Variants in FANCM observed in about 807,000 individuals in gnomAD.
The protein encoded by FANCM is FA complementation group M, also known as Fanconi anemia group M protein.
Under a neutral mutation model 199.5 loss-of-function variants are expected in FANCM, and 140 were observed. That is an observed-to-expected ratio of 0.70 (90% CI 0.61 to 0.81). The LOEUF is 0.81. Ranked by LOEUF, FANCM falls within the 30% of genes least tolerant of loss-of-function variation. The pLI, the probability that FANCM is intolerant of heterozygous loss-of-function variation, is 0.00. For missense variants in FANCM, 2,410 were observed against 2,421.4 expected, an observed-to-expected ratio of 1.00 and a Z score of 0.10; for synonymous variants, 840 against 836.8, an observed-to-expected ratio of 1.00 and a Z score of -0.07.
chr14:45,177,762 A>T (rs1232078971), intron 14 of FANCM, among the ~76,000 whole-genome samples: 1 of 152,196 alleles, frequency 6.6e-6, no homozygotes, highest in Non-Finnish European at 1.5e-5. Context: ...TATGTTGAAG[A>T]TACTAAAGAC....
chr14:45,154,107 G>A (rs980558877), intron 6 of FANCM, 55 bp downstream of exon 6: 3 of 1,374,112 alleles, frequency 2.2e-6, no homozygotes, highest in Non-Finnish European at 3.1e-6. Flanking sequence ...TTTGGCTAAA[G>A]ACATATTGAA....
intron 6 of FANCM, 76 bp downstream of exon 6, chr14:45,154,128 C>A: frequency 9.0e-7 from 1 of 1,113,406 alleles, no homozygotes; most frequent in Non-Finnish European, 1.3e-6. Flanking sequence ...GGGCTGGGCA[C>A]AGTGGCTCAT....
chr14:45,150,620 C>G (rs1263255202), intron 4 of FANCM, among the ~76,000 whole-genome samples: 1 of 152,178 alleles, frequency 6.6e-6, no homozygotes, highest in African/African-American at 2.4e-5. Context: ...TAGAACCTCA[C>G]ATGGTAGACA....
intron 9 of FANCM, among the ~76,000 whole-genome samples, chr14:45,163,254 T>C (rs994694599): frequency 1.3e-5 from 2 of 152,236 alleles, no homozygotes; most frequent in African/African-American, 4.8e-5. Context: ...TAAAATGCAA[T>C]GATAATATCT....
rs1238085525 is a variant in FANCM at position 45,154,764 on chromosome 14, G to A, written c.1251G>A (p.Glu417=). 6.2e-6 allele frequency: 10 copies of A among 1,605,646 alleles called. No individual in the cohort carries two copies. The highest frequency in any genetic ancestry group is 8.5e-6 in the Non-Finnish European group (10 of 1,173,710). Residue 417 remains glutamate, a synonymous_variant, in exon 7 of 23, where the codon GAG becomes GAA. Transcript: ENST00000267430. ...EDFMKLYNHL[E]CMFARTRSTS... is the part of the protein sequence containing the mutation. Reference sequence around the variant, plus strand: ...TCATGAAACTCTATAATCATCTAGAGTGTATGTTTGCACGTACACGTAGTA... The same window carrying A: ...TCATGAAACTCTATAATCATCTAGAATGTATGTTTGCACGTACACGTAGTA...
intron 14 of FANCM, among the ~76,000 whole-genome samples, chr14:45,179,288 C>G (rs1168575705): frequency 6.6e-6 from 1 of 152,124 alleles, no homozygotes; most frequent in Non-Finnish European, 1.5e-5. Flanking sequence ...GAGGTCTTAA[C>G]AAAGCATTTA....
At chr14:45,149,508 A>G (rs1886669796) in intron 4 of FANCM, among the ~76,000 whole-genome samples, 1 of 152,158 alleles carries the variant, frequency 6.6e-6, no homozygotes, top group African/African-American at 2.4e-5. Flanking sequence ...CTGGGATTAC[A>G]GGCACATGCT....
At chr14:45,140,227 GT>G (rs201068264) in intron 2 of FANCM, among the ~76,000 whole-genome samples, 15 of 148,050 alleles carry the variant, frequency 1.0e-4, no homozygotes, top group South Asian at 4.3e-4. Context: ...GTCCTTTTGA[GT>G]TTTTTTTTTT....
chr14:45,157,001 A>G (rs1027109321), intron 8 of FANCM, among the ~76,000 whole-genome samples: 3 of 152,012 alleles, frequency 2.0e-5, no homozygotes, highest in Non-Finnish European at 2.9e-5. Context: ...AAATGATTAC[A>G]TGAGCAAAGT....
chr14:45,160,579 C>G (rs925993048), intron 9 of FANCM, among the ~76,000 whole-genome samples: 1 of 150,590 alleles, frequency 6.6e-6, no homozygotes, highest in African/African-American at 2.4e-5. Flanking sequence ...GAGTCTCGCT[C>G]TGTTGCCGAG....
chr14:45,148,917 T>C lies in FANCM; in HGVS notation c.840T>C (p.Tyr280=), dbSNP rs777422576. 1.1e-5 allele frequency: 18 copies of C among 1,613,424 alleles called. No individual in the cohort carries two copies. In the Admixed American group the frequency reaches 1.7e-4, roughly 15 times the overall value. ...RSEDSPDILT[Y]SHERKVEKLI... ...AAGATTCTCCAGATATTTTGACATA[T>C]TCTCATGAAAGAAAAGTTGAAAAGC... is the stretch of plus-strand genomic sequence containing the variant. The change falls in exon 4 of 23, where the codon TAT becomes TAC. Residue 280 remains tyrosine, a synonymous_variant. Transcript: ENST00000267430.
intron 9 of FANCM, among the ~76,000 whole-genome samples, chr14:45,161,470 T>G (rs889494894): frequency 9.9e-5 from 15 of 152,036 alleles, no homozygotes; most frequent in African/African-American, 3.6e-4. Flanking sequence ...AGGATGGTCT[T>G]AGCTCGGTTT....
At chr14:45,146,689 C>T (rs376497077) in intron 3 of FANCM, among the ~76,000 whole-genome samples, 2 of 151,656 alleles carry the variant, frequency 1.3e-5, no homozygotes, top group Non-Finnish European at 2.9e-5. Flanking sequence ...AAAAATTAGC[C>T]GGGCATGGTG....
In FANCM at chr14:45,198,875, G is replaced by A. The variant is rs2139329199; in HGVS notation, c.5948G>A (p.Ser1983Asn). The change falls in exon 22 of 23, where the codon AGT (serine) becomes AAT (asparagine). Residue 1983 changes from serine (S) to asparagine (N), a missense_variant. Transcript: ENST00000267430. Reference sequence around the variant, plus strand: ...TTTTATTTAAGTATTCCCAATATAAGTTATATAACTGCATTAAATATGTGT... The same window carrying A: ...TTTTATTTAAGTATTCCCAATATAAATTATATAACTGCATTAAATATGTGT... ...LQFYLSIPNI[S>N]YITALNMCHQ... is the part of the protein sequence containing the mutation. 6.2e-7 allele frequency: 1 copy of A among 1,611,654 alleles called. No homozygotes were observed. Among genetic ancestry groups the A allele is most frequent in the Non-Finnish European group, 8.5e-7 (1 of 1,177,878 alleles).
intron 5 of FANCM, among the ~76,000 whole-genome samples, chr14:45,153,432 C>T (rs544436013): frequency 1.3e-5 from 2 of 152,300 alleles, no homozygotes; most frequent in South Asian, 4.2e-4. Flanking sequence ...TAAAGGTTGG[C>T]ATTAAAACAG....
chr14:45,194,766 C>T (rs1277459051), intron 20 of FANCM, among the ~76,000 whole-genome samples: 9 of 150,272 alleles, frequency 6.0e-5, no homozygotes, highest in Admixed American at 3.3e-4. Context: ...AAAGTAAATG[C>T]ATATGTAATG....
intron 20 of FANCM, 25 bp from the exon 21 acceptor site, chr14:45,196,147 T>G (rs771279304): frequency 3.7e-6 from 6 of 1,613,844 alleles, no homozygotes; most frequent in Non-Finnish European, 5.1e-6. Context: ...AACCTGAATG[T>G]GACCAGTGTT....
At chr14:45,166,262 G>T (rs1310491942) in intron 10 of FANCM, among the ~76,000 whole-genome samples, 1 of 151,902 alleles carries the variant, frequency 6.6e-6, no homozygotes, top group African/African-American at 2.4e-5. Context: ...CTCCTGAGTA[G>T]CTGGGACTAC....
chr14:45,200,240 G>A lies in FANCM; in HGVS notation c.*232G>A, dbSNP rs7155480. The A allele has an allele frequency of 0.045, 7,679 of 171,222 alleles. 664 individuals are homozygous for A. Among genetic ancestry groups the A allele is most frequent in the African/African-American group, 0.17 (7,167 of 41,752 alleles). 10.6% of individuals were successfully genotyped at this position (171,222 alleles called of 1,614,324 possible). A position where few individuals can be genotyped will look rare whatever the true frequency, so the allele number is the denominator to read the frequency against. ...AATTTTTCTTATTAAATAAAACAAGGTTTATTAAAAGTGTTACTAAGGATA... is the reference window on the plus strand; with the variant it reads ...AATTTTTCTTATTAAATAAAACAAGATTTATTAAAAGTGTTACTAAGGATA... On this transcript the variant is annotated 3_prime_UTR_variant, in exon 23 of 23. Transcript: ENST00000267430.
Sources: gnomAD v4.1 joint callset for allele counts (sites outside exome capture counted in the v4.1 genomes callset) on GRCh38, gnomAD v4.1.1 for gene constraint, MANE v1.5 for transcripts, NCBI Gene and HGNC (gene_info 2026-07-23, HGNC 2026-07-21) for gene names.